The following PDE4DIP variants were observed in gnomAD, a reference collection of about 807,000 sequenced individuals.
PDE4DIP encodes the protein myomegalin.
In PDE4DIP, 59 loss-of-function variants were observed where a neutral mutation model predicts 221.4. The observed-to-expected ratio is 0.27, with a 90% CI of 0.22 to 0.33. The LOEUF (loss-of-function observed/expected upper bound fraction) is 0.33, where lower values mean the gene tolerates loss of function less well. PDE4DIP is among the 10% of genes least tolerant of loss of function. PDE4DIP has a pLI of 1.00. For missense variants in PDE4DIP, 1,036 were observed against 2,154.2 expected (o/e 0.48, Z 10.28); for synonymous variants, 404 against 815.9 (o/e 0.50, Z 8.60).
intron 5 of PDE4DIP, among the ~76,000 whole-genome samples, chr1:148,949,091 C>CTGTAT (rs1252058178): frequency 6.6e-6 from 1 of 152,124 alleles, no homozygotes; most frequent in East Asian, 1.9e-4. Context: ...CTGGCTAGTA[C>CTGTAT]TGTATTGTAT....
intron 1 of PDE4DIP, among the ~76,000 whole-genome samples, chr1:148,899,462 T>C (rs1440412881): frequency 8.9e-4 from 115 of 128,546 alleles, no homozygotes; most frequent in Middle Eastern, 3.7e-3. Flanking sequence ...GGGGCACTTC[T>C]ATCCCAAATG....
At chr1:148,961,131 C>A (rs587659946) in intron 6 of PDE4DIP, among the ~76,000 whole-genome samples, 14 of 152,040 alleles carry the variant, frequency 9.2e-5, no homozygotes, top group African/African-American at 2.9e-4. Context: ...ATGGTGAAAC[C>A]CTGTCTCTAC....
intron 18 of PDE4DIP, 80 bp downstream of exon 21, chr1:148,978,133 A>C: frequency 8.0e-6 from 11 of 1,381,408 alleles, no homozygotes; most frequent in Non-Finnish European, 1.0e-5. Flanking sequence ...CAATATTTGC[A>C]CACATCGAAT....
Position 148,967,579 on chromosome 1 carries a change from A to C in PDE4DIP, c.1606-147A>C, listed in dbSNP as rs199927712. The C allele has an allele frequency of 6.4e-4, 381 of 597,984 alleles. No homozygotes were observed. The East Asian group carries it at 7.0e-3, about 11-fold the overall frequency. The allele number at this position is 597,984 out of a possible 1,614,324, so 37.0% of individuals were successfully genotyped here. The stretch of plus-strand genomic sequence containing the variant: ...TTTCTAAAAACCAAAAAAATAGATT[A>C]GTATGGCATTGTTAGATCAATGTTC... On this transcript the variant is annotated intron_variant, in intron 12 of 43. Transcript: ENST00000369354.
At chr1:148,971,880 C>CTAATTCAGAATTGTTATACTAATTCAA (rs2059286842) in intron 14 of PDE4DIP, among the ~76,000 whole-genome samples, 1 of 138,010 alleles carries the variant, frequency 7.2e-6, no homozygotes, top group Non-Finnish European at 1.6e-5. Flanking sequence ...AGAATCTTAA[C>CTAATTCAGAATTGTTATACTAATTCAA]ACCTTAGCCT....
intron 20 of PDE4DIP, 115 bp downstream of exon 23, chr1:148,979,964 G>A (rs1332851819): frequency 4.5e-6 from 6 of 1,346,138 alleles, no homozygotes; most frequent in Admixed American, 2.1e-5. Context: ...ACTGAAGAGG[G>A]GAGAAAAAAG....
chr1:148,981,066 A>T (rs2060996434), intron 20 of PDE4DIP, among the ~76,000 whole-genome samples: 1 of 152,194 alleles, frequency 6.6e-6, no homozygotes, highest in African/African-American at 2.4e-5. Flanking sequence ...GCAAGCTTTT[A>T]AAAAAAGCAA....
At chr1:148,991,888 C>A (rs138493755) in exon 22 of PDE4DIP, 46 of 653,640 alleles carry the variant, frequency 7.0e-5, no homozygotes, top group Non-Finnish European at 1.2e-4. Context: ...TTTCCAGGTG[C>A]AGCTGCAGGG....
intron 4 of PDE4DIP, among the ~76,000 whole-genome samples, chr1:148,933,641 A>G (rs1337497327): frequency 1.3e-5 from 2 of 152,210 alleles, no homozygotes; most frequent in Non-Finnish European, 2.9e-5. Context: ...GGAGCTTTTA[A>G]CTGAATAGGC....
chr1:149,014,238 C>T (rs1219872418), intron 32 of PDE4DIP, among the ~76,000 whole-genome samples: 10 of 89,748 alleles, frequency 1.1e-4, no homozygotes, highest in Non-Finnish European at 1.5e-4. Flanking sequence ...TTTTATGTTT[C>T]TGTTATATCT....
chr1:148,924,848 C>T (rs1553464827), intron 1 of PDE4DIP, among the ~76,000 whole-genome samples: 1 of 150,532 alleles, frequency 6.6e-6, no homozygotes, highest in Non-Finnish European at 1.5e-5. Context: ...AAGAATTTAA[C>T]AATTTACACA....
At chr1:148,949,210 AAAGT>A (rs1257180763) in intron 5 of PDE4DIP, among the ~76,000 whole-genome samples, 1 of 151,812 alleles carries the variant, frequency 6.6e-6, no homozygotes, top group African/African-American at 2.4e-5. Context: ...AAAGTTATTT[AAAGT>A]ATGTAATACA....
At chr1:148,940,900 C>T (rs1390787624) in intron 5 of PDE4DIP, among the ~76,000 whole-genome samples, 1 of 152,034 alleles carries the variant, frequency 6.6e-6, no homozygotes, top group African/African-American at 2.4e-5. Flanking sequence ...GTTCTAGGTT[C>T]AGATGATTGT....
exon 34 of PDE4DIP, chr1:149,017,800 C>T: frequency 6.2e-7 from 1 of 1,609,804 alleles, no homozygotes. Flanking sequence ...TGCGCCAGCG[C>T]CTGGAGGAAT....
chr1:149,017,835 G>A lies in PDE4DIP; in HGVS notation c.5606G>A (p.Arg1869Gln), dbSNP rs367741522. 56 of 1,613,496 alleles carry A rather than the reference G, an allele frequency of 3.5e-5. 1 individual carries two copies. Among genetic ancestry groups the A allele is most frequent in the Non-Finnish European group, 4.3e-5 (51 of 1,179,894 alleles). The change falls in exon 34 of 44, where the codon CGG (arginine) becomes CAG (glutamine). Residue 1869 changes from arginine to glutamine, a missense_variant. Physicochemically the swap from Arg to Gln is conservative, Grantham distance 43. Coordinates refer to ENST00000369354, the Ensembl canonical transcript of PDE4DIP. The stretch of plus-strand genomic sequence containing the variant: ...TCCATCTGCATCAATGACCGCCTAC[G>A]GGAGCAACTGGAACACCGGCTGACC...
chr1:148,981,413 G>C lies in PDE4DIP; in HGVS notation c.2815+16G>C. ...GCCATTGGAGGTGGGGAACTGGAAA[G>C]TGTGCGAATTCATCACAAGCATGCC... On this transcript the variant is annotated intron_variant, in intron 21 of 43. Transcript: ENST00000369354. The C allele has an allele frequency of 6.2e-7, 1 of 1,613,876 alleles. No individual in the cohort carries two copies. Among genetic ancestry groups the C allele is most frequent in the Non-Finnish European group, 8.5e-7 (1 of 1,179,816 alleles).
In PDE4DIP at chr1:148,959,788, ATTAT is replaced by A. The variant is rs1190274775; in HGVS notation, c.637-861_637-858del. ...ATATCTCTTTCCCATTTCACTATGGATTATTTATCTGTGCTTATGCTATAAATCT... is the reference window on the plus strand; with the variant it reads ...ATATCTCTTTCCCATTTCACTATGGATTATCTGTGCTTATGCTATAAATCT... On this transcript the variant is annotated intron_variant, in intron 5 of 43. Transcript: ENST00000369354. Among the ~76,000 whole-genome samples, 5 of 150,360 alleles carry A rather than the reference ATTAT, an allele frequency of 3.3e-5. No homozygotes were observed. In the South Asian group the frequency reaches 6.4e-4, roughly 19 times the overall value.
At chr1:148,915,134 TTTTGTTTGTTTG>T (rs58167922) in intron 1 of PDE4DIP, among the ~76,000 whole-genome samples, 1 of 149,878 alleles carries the variant, frequency 6.7e-6, no homozygotes, top group Non-Finnish European at 1.5e-5. Flanking sequence ...CTTCTGGTTT[TTTTGTTTGTTTG>T]TTTGTTTGTT....
chr1:148,975,474 A>G (rs1553536733), intron 17 of PDE4DIP, among the ~76,000 whole-genome samples: 1 of 151,018 alleles, frequency 6.6e-6, no homozygotes, highest in Non-Finnish European at 1.5e-5. Flanking sequence ...TAGTCATGTA[A>G]CTAATAAATG....
Sources: allele counts gnomAD v4.1 joint callset (sites outside exome capture counted in the v4.1 genomes callset), GRCh38; gene constraint gnomAD v4.1.1; transcripts MANE v1.5; gene names NCBI Gene and HGNC (gene_info 2026-07-23, HGNC 2026-07-21).